ACYP2: variants seen among roughly 807,000 people sequenced by gnomAD.
The protein encoded by ACYP2 is acylphosphatase-2.
In ACYP2, 12 loss-of-function variants were observed where a neutral mutation model predicts 11.2. The ratio of observed to expected loss-of-function variants is 1.08; its 90% CI spans 0.69 to 1.74. The LOEUF (loss-of-function observed/expected upper bound fraction) is 1.74. Ranked by LOEUF, ACYP2 falls within the 40% of genes most tolerant of loss-of-function variation. The pLI, the probability that ACYP2 is intolerant of heterozygous loss-of-function variation, is 0.00. For missense variants in ACYP2, 134 were observed against 101.9 expected (o/e 1.31, Z -1.35); for synonymous variants, 43 against 32.2 (o/e 1.33, Z -1.13).
chr2:54,292,669 TACACAC>T (rs3071218), intron 6 of ACYP2, among the ~76,000 whole-genome samples: 13,127 of 148,952 alleles, frequency 0.088, 637 homozygotes, highest in East Asian at 0.16. Flanking sequence ...TATATATGTA[TACACAC>T]ACACACACAC....
At chr2:54,033,268 G>T (rs987073217) in intron 2 of ACYP2, among the ~76,000 whole-genome samples, 14 of 151,586 alleles carry the variant, frequency 9.2e-5, no homozygotes, top group Non-Finnish European at 1.9e-4. Flanking sequence ...TCTAACCAAG[G>T]CTCACTGCAG....
At chr2:53,992,946 C>T (rs894258577) in intron 2 of ACYP2, among the ~76,000 whole-genome samples, 1 of 152,122 alleles carries the variant, frequency 6.6e-6, no homozygotes, top group African/African-American at 2.4e-5. Context: ...TCACTCACAC[C>T]TGTAATCCCA....
At chr2:54,056,494 T>C (rs565520419) in intron 3 of ACYP2, among the ~76,000 whole-genome samples, 1 of 152,326 alleles carries the variant, frequency 6.6e-6, no homozygotes, top group Admixed American at 6.5e-5. Context: ...TTTAAAGATA[T>C]TTTTGCTCAG....
At chr2:54,244,957 A>G (rs774329327) in intron 6 of ACYP2, among the ~76,000 whole-genome samples, 76 of 152,152 alleles carry the variant, frequency 5.0e-4, no homozygotes, top group Non-Finnish European at 9.7e-4. Context: ...GTCACCCTAT[A>G]GTGCTATAAA....
At chr2:54,057,447 G>T in intron 4 of ACYP2, 1 of 391,642 alleles carries the variant, frequency 2.6e-6, no homozygotes, top group Non-Finnish European at 4.5e-6. Context: ...ATTAGCCTCA[G>T]GATGGCAGAA....
At chr2:54,062,198 A>C (rs1245920698) in intron 4 of ACYP2, among the ~76,000 whole-genome samples, 1 of 152,204 alleles carries the variant, frequency 6.6e-6, no homozygotes, top group Non-Finnish European at 1.5e-5. Context: ...TCTGTTTCTC[A>C]CAGGAAGGCA....
At chr2:54,041,406 G>C (rs1182863829) in intron 2 of ACYP2, among the ~76,000 whole-genome samples, 2 of 152,176 alleles carry the variant, frequency 1.3e-5, no homozygotes, top group African/African-American at 2.4e-5. Context: ...GAATGATGAG[G>C]GGAGGTGAGT....
At chr2:54,091,184 G>A (rs1270551795) in intron 4 of ACYP2, among the ~76,000 whole-genome samples, 1 of 152,176 alleles carries the variant, frequency 6.6e-6, no homozygotes, top group African/African-American at 2.4e-5. Context: ...CAAATGAAAA[G>A]AAGCAATCTC....
chr2:54,027,313 G>C (rs1674336222), intron 2 of ACYP2, among the ~76,000 whole-genome samples: 1 of 152,048 alleles, frequency 6.6e-6, no homozygotes, highest in African/African-American at 2.4e-5. Context: ...AAACTTGGAG[G>C]GTCACTCTCT....
chr2:54,241,706 A>T (rs1480647935), intron 6 of ACYP2, among the ~76,000 whole-genome samples: 3 of 152,232 alleles, frequency 2.0e-5, no homozygotes, highest in African/African-American at 7.2e-5. Flanking sequence ...TGTTGCCATT[A>T]AGAGTATGAA....
At position 54,094,954 on chromosome 2, in the gene ACYP2, T is replaced by C. The variant is rs565343263; in HGVS notation, c.277+37594T>C. Among the ~76,000 whole-genome samples the C allele has an allele frequency of 8.6e-5, 13 of 151,286 alleles. 1 individual carries two copies. In the South Asian group the frequency reaches 2.7e-3, roughly 32 times the overall value. ...CACAGAGGGGGATTTGGCAGGGTCA[T>C]AGGACAATAGTGGAGGGAAGGTCAG... On this transcript the variant is annotated intron_variant, in intron 4 of 6. Transcript: ENST00000607452.
chr2:54,181,541 C>T (rs2103869409), intron 6 of ACYP2, among the ~76,000 whole-genome samples: 1 of 152,244 alleles, frequency 6.6e-6, no homozygotes, highest in East Asian at 1.9e-4. Context: ...GACTTTCTGC[C>T]AGGCCCCACA....
At chr2:54,227,997 G>C (rs1447329230) in intron 6 of ACYP2, among the ~76,000 whole-genome samples, 1 of 152,202 alleles carries the variant, frequency 6.6e-6, no homozygotes, top group African/African-American at 2.4e-5. Context: ...CATGATGACA[G>C]AGTAGCTATA....
intron 2 of ACYP2, among the ~76,000 whole-genome samples, chr2:53,988,906 C>T (rs1172481833): frequency 1.3e-5 from 2 of 151,804 alleles, no homozygotes; most frequent in African/African-American, 4.8e-5. Flanking sequence ...GCTACCATGC[C>T]CACCTATTTT....
intron 6 of ACYP2, among the ~76,000 whole-genome samples, chr2:54,149,091 A>G (rs1026536016): frequency 9.9e-5 from 15 of 152,234 alleles, no homozygotes; most frequent in Admixed American, 4.6e-4. Flanking sequence ...TCAGTACAAA[A>G]AACACAAAAA....
intron 4 of ACYP2, among the ~76,000 whole-genome samples, chr2:54,091,800 C>G (rs1160820574): frequency 6.6e-6 from 1 of 152,176 alleles, no homozygotes; most frequent in Non-Finnish European, 1.5e-5. Context: ...GCGTCAGCCA[C>G]TAACCCCAGC....
intron 2 of ACYP2, among the ~76,000 whole-genome samples, chr2:54,024,774 A>G (rs999111000): frequency 5.3e-5 from 8 of 152,208 alleles, no homozygotes; most frequent in African/African-American, 1.9e-4. Context: ...AGGGCATCCA[A>G]TTGGTAAAAA....
intron 6 of ACYP2, among the ~76,000 whole-genome samples, chr2:54,139,393 A>G (rs1052901345): frequency 2.6e-5 from 4 of 152,242 alleles, no homozygotes; most frequent in Non-Finnish European, 5.9e-5. Flanking sequence ...GAGGGTTACC[A>G]AACTATGAAT....
At chr2:54,287,017 T>A (rs1689106734) in intron 6 of ACYP2, among the ~76,000 whole-genome samples, 1 of 152,066 alleles carries the variant, frequency 6.6e-6, no homozygotes, top group African/African-American at 2.4e-5. Flanking sequence ...TAAAAACATG[T>A]TCCCCAATTT....
Sources: gnomAD v4.1 joint callset for allele counts (sites outside exome capture counted in the v4.1 genomes callset) on GRCh38, gnomAD v4.1.1 for gene constraint, MANE v1.5 for transcripts, NCBI Gene and HGNC (gene_info 2026-07-23, HGNC 2026-07-21) for gene names.